Variants in NRXN3 observed in about 807,000 individuals in gnomAD.
NRXN3 encodes the protein neurexin III.
In NRXN3, 32 loss-of-function variants were observed where a neutral mutation model predicts 137.6. That is an observed-to-expected ratio of 0.23 (90% CI 0.18 to 0.31). NRXN3 has a LOEUF of 0.31. NRXN3 is among the 10% of genes least tolerant of loss of function. NRXN3 has a pLI of 1.00. For synonymous variants in NRXN3, 798 were observed against 784.5 expected, an observed-to-expected ratio of 1.02 and a Z score of -0.29; for missense variants, 1,574 against 2,062.5, an observed-to-expected ratio of 0.76 and a Z score of 4.59.
chr14:78,983,371 A>G (rs1158221626), intron 14 of NRXN3, among the ~76,000 whole-genome samples: 1 of 152,242 alleles, frequency 6.6e-6, no homozygotes, highest in Non-Finnish European at 1.5e-5. Context: ...ATTAATCACA[A>G]TAGCTAAAAA....
intron 15 of NRXN3, among the ~76,000 whole-genome samples, chr14:79,110,610 T>C (rs537217120): frequency 8.5e-5 from 13 of 152,162 alleles, no homozygotes; most frequent in Non-Finnish European, 1.5e-4. Flanking sequence ...AGTAATATGG[T>C]CTATAGTTTA....
intron 4 of NRXN3, among the ~76,000 whole-genome samples, chr14:78,310,212 C>G (rs770680360): frequency 6.7e-6 from 1 of 148,564 alleles, no homozygotes; most frequent in Non-Finnish European, 1.5e-5. Context: ...GGTTATTTCT[C>G]TACTGTATAT....
At chr14:79,408,083 G>A (rs907325621) in intron 15 of NRXN3, among the ~76,000 whole-genome samples, 1 of 152,154 alleles carries the variant, frequency 6.6e-6, no homozygotes, top group Non-Finnish European at 1.5e-5. Flanking sequence ...TACATATACA[G>A]TATTGAAATT....
intron 4 of NRXN3, among the ~76,000 whole-genome samples, chr14:78,368,521 G>A (rs892120761): frequency 6.6e-6 from 1 of 152,128 alleles, no homozygotes; most frequent in Admixed American, 6.5e-5. Context: ...GTGAAACCCC[G>A]TCTCTACTAA....
chr14:79,630,051 T>A (rs1349968477), intron 16 of NRXN3, among the ~76,000 whole-genome samples: 1 of 152,144 alleles, frequency 6.6e-6, no homozygotes, highest in Non-Finnish European at 1.5e-5. Flanking sequence ...TGTGGAAACA[T>A]AATAACACAG....
intron 15 of NRXN3, among the ~76,000 whole-genome samples, chr14:79,216,334 G>T (rs74786188): frequency 0.019 from 2,850 of 152,208 alleles, 86 homozygotes; most frequent in African/African-American, 0.065. Context: ...AAGCTGCATT[G>T]CCTTTTCTGA....
At position 78,754,854 on chromosome 14, in the gene NRXN3, A is replaced by G. The variant is rs188834660; in HGVS notation, c.2044+39715A>G. Among the ~76,000 whole-genome samples, 28 of 147,928 alleles carry G rather than the reference A, an allele frequency of 1.9e-4. No homozygotes were observed. The East Asian group carries it at 4.9e-3, about 26-fold the overall frequency. ...TATACACTTTTTTTTTTTTTTTGAG[A>G]CAGAGTCTCACTGTGTTGCCCTGTA... On this transcript the variant is annotated intron_variant, in intron 8 of 20. Coordinates refer to ENST00000335750, the MANE Select transcript of NRXN3 (RefSeq NM_001330195.2).
At chr14:79,849,842 G>T (rs144701812) in intron 20 of NRXN3, among the ~76,000 whole-genome samples, 1 of 152,106 alleles carries the variant, frequency 6.6e-6, no homozygotes, top group South Asian at 2.1e-4. Flanking sequence ...TATGAAATGG[G>T]TTCCTTCACC....
intron 4 of NRXN3, among the ~76,000 whole-genome samples, chr14:78,551,985 C>A (rs560126470): frequency 3.3e-5 from 5 of 152,230 alleles, no homozygotes; most frequent in Admixed American, 3.3e-4. Flanking sequence ...GGTCGCGATA[C>A]CCTGGGCAGC....
chr14:79,800,682 AAAG>A (rs2099175539), intron 19 of NRXN3, among the ~76,000 whole-genome samples: 1 of 152,186 alleles, frequency 6.6e-6, no homozygotes, highest in African/African-American at 2.4e-5. Flanking sequence ...GAAAGCAATC[AAAG>A]AAGTGTGCCT....
chr14:78,206,861 T>TC (rs1244172618), intron 1 of NRXN3, among the ~76,000 whole-genome samples: 1 of 149,098 alleles, frequency 6.7e-6, no homozygotes, highest in African/African-American at 2.5e-5. Context: ...TCGGACATTC[T>TC]TTTTTTTTTG....
At chr14:78,207,997 C>T (rs1230149615) in intron 1 of NRXN3, among the ~76,000 whole-genome samples, 1 of 152,186 alleles carries the variant, frequency 6.6e-6, no homozygotes, top group Non-Finnish European at 1.5e-5. Flanking sequence ...ATAGCCTGGA[C>T]TCTGGAGTCA....
chr14:79,779,820 ACCAT>A (rs1274398854), intron 19 of NRXN3, among the ~76,000 whole-genome samples: 2 of 152,104 alleles, frequency 1.3e-5, no homozygotes, highest in African/African-American at 4.8e-5. Context: ...ATAAGGCAAC[ACCAT>A]GTTCAATGGG....
chr14:78,984,798 A>G (rs978438708), intron 14 of NRXN3, among the ~76,000 whole-genome samples: 1 of 152,200 alleles, frequency 6.6e-6, no homozygotes, highest in Non-Finnish European at 1.5e-5. Context: ...TGTGTTAGGA[A>G]CTAAAAACAG....
intron 8 of NRXN3, among the ~76,000 whole-genome samples, chr14:78,720,570 G>T (rs1280328497): frequency 1.3e-5 from 2 of 151,766 alleles, no homozygotes; most frequent in African/African-American, 4.8e-5. Context: ...TTTTATTTTT[G>T]TCCTATGATA....
intron 4 of NRXN3, among the ~76,000 whole-genome samples, chr14:78,554,968 C>A (rs1347607394): frequency 6.6e-6 from 1 of 152,072 alleles, no homozygotes; most frequent in Non-Finnish European, 1.5e-5. Flanking sequence ...CAACATAGAA[C>A]AGTCGAGAGC....
In NRXN3 at chr14:78,243,612, G is replaced by A; in HGVS notation, c.519G>A (p.Lys173=). The A allele has an allele frequency of 6.3e-7, 1 of 1,598,464 alleles. No homozygotes were observed. The highest frequency in any genetic ancestry group is 8.5e-7 in the Non-Finnish European group (1 of 1,179,822). The change falls in exon 2 of 21, where the codon AAG becomes AAA. Residue 173 remains lysine, a synonymous_variant. Coordinates refer to ENST00000335750, the MANE Select transcript of NRXN3 (RefSeq NM_001330195.2). This position sits in a 1 kb window ranked among gnomAD's most constrained non-coding sequence, Gnocchi z 4.2. ...GAGTTCAGGCCATGCCCGGCTTCAA[G>A]GGGTTAATTCTGGATCTCAAGTATG... is the stretch of plus-strand genomic sequence containing the variant. The part of the protein sequence containing the change: ...LDGVQAMPGF[K]GLILDLKYGN...
chr14:79,400,860 A>G (rs887101636), intron 15 of NRXN3, among the ~76,000 whole-genome samples: 1 of 152,198 alleles, frequency 6.6e-6, no homozygotes, highest in Non-Finnish European at 1.5e-5. Context: ...TATGTTGCAT[A>G]TAGCCCCCCG....
chr14:78,880,096 C>T (rs569817186), intron 10 of NRXN3, among the ~76,000 whole-genome samples: 35 of 147,976 alleles, frequency 2.4e-4, no homozygotes, highest in South Asian at 4.2e-4. Flanking sequence ...AAAAATTAGC[C>T]GGGCGTAGTG....
Sources: allele counts gnomAD v4.1 joint callset (sites outside exome capture counted in the v4.1 genomes callset), GRCh38; gene constraint gnomAD v4.1.1; non-coding constraint Gnocchi (gnomAD v3.1); transcripts MANE v1.5; gene names NCBI Gene and HGNC (gene_info 2026-07-23, HGNC 2026-07-21).